DLG2: variants seen among roughly 807,000 people sequenced by gnomAD.
DLG2 encodes discs large MAGUK scaffold protein 2, also known as disks large homolog 2.
In DLG2, 45 loss-of-function variants were observed where a neutral mutation model predicts 132.5. That is an observed-to-expected ratio of 0.34 (90% CI 0.27 to 0.44). The LOEUF is 0.44. Ranked by LOEUF, DLG2 falls within the 20% of genes least tolerant of loss-of-function variation. DLG2 has a pLI of 1.00. For synonymous variants in DLG2, 424 were observed against 419.6 expected (o/e 1.01, Z -0.13); for missense variants, 1,045 against 1,196.9 (o/e 0.87, Z 1.87).
At chr11:84,995,215 T>G (rs1465811987) in intron 6 of DLG2, among the ~76,000 whole-genome samples, 2 of 152,188 alleles carry the variant, frequency 1.3e-5, no homozygotes, top group Non-Finnish European at 2.9e-5. Context: ...AGATGAAACA[T>G]GATGACATTT....
intron 8 of DLG2, among the ~76,000 whole-genome samples, chr11:84,206,125 T>A (rs115792520): frequency 6.6e-6 from 1 of 152,038 alleles, no homozygotes; most frequent in African/African-American, 2.4e-5. Context: ...TTCTTTGGCA[T>A]AGAAACTCTT....
chr11:83,667,996 A>AAAAT (rs2075996160), intron 18 of DLG2, among the ~76,000 whole-genome samples: 1 of 147,326 alleles, frequency 6.8e-6, no homozygotes, highest in Non-Finnish European at 1.5e-5. Flanking sequence ...AAAAAAAAAA[A>AAAAT]AGAAATTAAA....
chr11:84,566,954 G>A lies in DLG2; in HGVS notation c.358-32223C>T, dbSNP rs73509178. Among the ~76,000 whole-genome samples, 263 of 152,266 alleles carry A rather than the reference G, an allele frequency of 1.7e-3. 1 individual carries two copies. Among genetic ancestry groups the A allele is most frequent in the African/African-American group, 6.1e-3 (253 of 41,554 alleles). On this transcript the variant is annotated intron_variant, in intron 6 of 27. Coordinates refer to ENST00000376104, the MANE Select transcript of DLG2 (RefSeq NM_001142699.3). ...GAGGACAATGCAAAACACAGCTGGT[G>A]GAAACTCAGATGTTGCTCAAAGCTT...
intron 16 of DLG2, among the ~76,000 whole-genome samples, chr11:83,850,141 TG>T: frequency 7.6e-6 from 1 of 130,924 alleles, no homozygotes; most frequent in South Asian, 2.4e-4. Context: ...TGTGTGTGTG[TG>T]TGTGTGTGTG....
At chr11:83,743,413 T>C (rs1407261576) in intron 18 of DLG2, among the ~76,000 whole-genome samples, 1 of 147,978 alleles carries the variant, frequency 6.8e-6, no homozygotes, top group African/African-American at 2.5e-5. Flanking sequence ...ACAATGTACA[T>C]AACAGTGGGC....
intron 6 of DLG2, among the ~76,000 whole-genome samples, chr11:85,094,597 T>C (rs540966140): frequency 3.3e-5 from 5 of 152,338 alleles, no homozygotes; most frequent in African/African-American, 1.2e-4. Context: ...AAGCAACATC[T>C]GCTAGCTTGC....
At chr11:84,322,591 C>A in intron 7 of DLG2, among the ~76,000 whole-genome samples, 1 of 86,760 alleles carries the variant, frequency 1.2e-5, no homozygotes, top group Non-Finnish European at 2.1e-5. Context: ...AATAATTTCA[C>A]AAGAATTTTT....
intron 6 of DLG2, among the ~76,000 whole-genome samples, chr11:84,593,133 A>AAC (rs1435962046): frequency 3.3e-5 from 5 of 150,928 alleles, no homozygotes; most frequent in African/African-American, 9.8e-5. Flanking sequence ...AAAAAAAAAA[A>AAC]GTCAGGAAAC....
At chr11:83,908,425 TGTC>T (rs1220053865) in intron 15 of DLG2, among the ~76,000 whole-genome samples, 1 of 152,090 alleles carries the variant, frequency 6.6e-6, no homozygotes, top group Non-Finnish European at 1.5e-5. Flanking sequence ...TGATTATGAC[TGTC>T]TTTTTTTCTC....
At position 84,650,705 on chromosome 11, in the gene DLG2, G is replaced by A. The variant is rs1303801045; in HGVS notation, c.358-115974C>T. Among the ~76,000 whole-genome samples the A allele has an allele frequency of 2.6e-5, 4 of 151,840 alleles. No individual in the cohort carries two copies. The East Asian group carries it at 7.8e-4, about 29-fold the overall frequency. ...ATTGCTATTCATAGTCTCTTATGAT[G>A]TTACTTTTTCAATAATATGCTTCAG... On this transcript the variant is annotated intron_variant, in intron 6 of 27. Coordinates refer to ENST00000376104, the MANE Select transcript of DLG2 (RefSeq NM_001142699.3).
At chr11:85,165,832 T>C (rs572798996) in intron 4 of DLG2, among the ~76,000 whole-genome samples, 1 of 152,280 alleles carries the variant, frequency 6.6e-6, no homozygotes, top group South Asian at 2.1e-4. Flanking sequence ...AACCTCTGTA[T>C]TAATCCTCAA....
At chr11:85,584,083 C>G (rs1338564881) in intron 3 of DLG2, among the ~76,000 whole-genome samples, 1 of 151,942 alleles carries the variant, frequency 6.6e-6, no homozygotes, top group Non-Finnish European at 1.5e-5. Context: ...GTGGTGATTT[C>G]CAAGATTTTG....
intron 6 of DLG2, among the ~76,000 whole-genome samples, chr11:84,996,170 T>G (rs1209972298): frequency 2.6e-5 from 4 of 152,098 alleles, no homozygotes; most frequent in Non-Finnish European, 5.9e-5. Flanking sequence ...TGTATTTTCA[T>G]TATGATGTAC....
At chr11:83,743,539 T>C (rs764706959) in intron 18 of DLG2, among the ~76,000 whole-genome samples, 1 of 150,700 alleles carries the variant, frequency 6.6e-6, no homozygotes, top group Non-Finnish European at 1.5e-5. Flanking sequence ...GTTTAAGGGA[T>C]CCTCCCACCT....
chr11:83,890,118 A>T (rs2069295960), intron 15 of DLG2, among the ~76,000 whole-genome samples: 2 of 152,128 alleles, frequency 1.3e-5, no homozygotes, highest in African/African-American at 4.8e-5. Flanking sequence ...AATAATAATA[A>T]TAAAAAAAGA....
chr11:83,482,143 A>G (rs903665190), intron 22 of DLG2, among the ~76,000 whole-genome samples: 3 of 152,022 alleles, frequency 2.0e-5, no homozygotes, highest in African/African-American at 7.2e-5. Context: ...TAAGATCAGT[A>G]CTCTTGATCA....
At chr11:84,502,244 TTCC>T (rs2099213968) in intron 7 of DLG2, among the ~76,000 whole-genome samples, 9 of 39,786 alleles carry the variant, frequency 2.3e-4, no homozygotes, top group South Asian at 1.4e-3. Flanking sequence ...CCTTCCTTCC[TTCC>T]TTCCTTCCTT....
At chr11:84,220,778 T>C (rs188958164) in intron 8 of DLG2, among the ~76,000 whole-genome samples, 51 of 127,468 alleles carry the variant, frequency 4.0e-4, no homozygotes, top group African/African-American at 1.3e-3. Context: ...TCTTTTTCTT[T>C]TCTTTTTTTT....
intron 3 of DLG2, among the ~76,000 whole-genome samples, chr11:85,558,648 G>A (rs913246179): frequency 4.0e-5 from 6 of 151,824 alleles, no homozygotes; most frequent in Non-Finnish European, 5.9e-5. Context: ...CAATAACATG[G>A]ACAGAGCTGA....
Sources: allele counts gnomAD v4.1 joint callset (sites outside exome capture counted in the v4.1 genomes callset), GRCh38; gene constraint gnomAD v4.1.1; transcripts MANE v1.5; gene names NCBI Gene and HGNC (gene_info 2026-07-23, HGNC 2026-07-21).